ZNF254: variants seen among roughly 807,000 people sequenced by gnomAD.
ZNF254 encodes zinc finger protein 254.
A neutral mutation model predicts 12.4 loss-of-function variants in ZNF254; 10 were observed. The ratio of observed to expected loss-of-function variants is 0.80; its 90% CI spans 0.50 to 1.36. ZNF254 has a LOEUF of 1.36. Among genes scored for constraint, ZNF254 ranks in the 40% most tolerant of loss-of-function variants. The probability of loss-of-function intolerance (pLI) is 0.00; values close to 1 mark genes in which losing one functional copy is unlikely to be tolerated. For synonymous variants in ZNF254, 305 were observed against 253.4 expected (o/e 1.20, Z -1.93); for missense variants, 996 against 763.9 (o/e 1.30, Z -3.58).
chr19:24,088,002 G>A (rs1972135999), intron 1 of ZNF254, among the ~76,000 whole-genome samples: 1 of 140,190 alleles, frequency 7.1e-6, no homozygotes, highest in African/African-American at 2.6e-5. Context: ...TGCAACCTCC[G>A]CCTCTTGGGT....
intron 2 of ZNF254, among the ~76,000 whole-genome samples, chr19:24,077,745 T>A (rs1229831812): frequency 2.6e-5 from 4 of 152,090 alleles, no homozygotes; most frequent in African/African-American, 9.7e-5. Flanking sequence ...CAGTGGCTGA[T>A]GGAGTGGTTT....
chr19:24,094,268 ATTTTT>A lies in ZNF254; in HGVS notation c.30+6932_30+6936del, dbSNP rs542047671. Among the ~76,000 whole-genome samples the A allele has an allele frequency of 4.8e-3, 732 of 151,870 alleles. 4 individuals are homozygous for A. Among genetic ancestry groups the A allele is most frequent in the African/African-American group, 0.016 (679 of 41,444 alleles). On this transcript the variant is annotated intron_variant, in intron 1 of 3. Coordinates refer to ENST00000357002, the MANE Select transcript of ZNF254 (RefSeq NM_203282.4). ...GTTTAAATGCCTTTTATTTATTTTT[ATTTTT>A]ATTTTTTTGAGATGGAGTCTTGCTC...
At chr19:24,092,508 T>C (rs1017425679) in intron 1 of ZNF254, among the ~76,000 whole-genome samples, 1 of 152,048 alleles carries the variant, frequency 6.6e-6, no homozygotes, top group Non-Finnish European at 1.5e-5. Context: ...TCCACGTACC[T>C]GGGACTACAG....
chr19:24,041,544 T>C (rs113823784), intron 1 of ZNF254, among the ~76,000 whole-genome samples: 24,445 of 152,290 alleles, frequency 0.16, 2,158 homozygotes, highest in Middle Eastern at 0.23. Flanking sequence ...CCTTAGCTGC[T>C]TTCCTGCGGG....
chr19:24,126,541 T>A lies in ZNF254; in HGVS notation c.541T>A (p.Ser181Thr), dbSNP rs754766755. 6.2e-7 allele frequency: 1 copy of A among 1,601,746 alleles called. No individual in the cohort carries two copies. The highest frequency in any genetic ancestry group is 1.1e-5 in the South Asian group (1 of 88,120). Residue 181 changes from serine (S) to threonine (T), a missense_variant, in exon 4 of 4, where the codon TCT (serine) becomes ACT (threonine). Coordinates refer to ENST00000357002, the MANE Select transcript of ZNF254 (RefSeq NM_203282.4). Reference protein sequence around the residue: ...RPKIRHTEKKSFKCKKRVKLF... With the variant: ...RPKIRHTEKKTFKCKKRVKLF... ...TAAGATAAGACATACTGAAAAGAAATCTTTCAAATGTAAAAAACGTGTCAA... is the reference window on the plus strand; with the variant it reads ...TAAGATAAGACATACTGAAAAGAAAACTTTCAAATGTAAAAAACGTGTCAA...
chr19:24,089,560 C>T (rs1410992828), intron 1 of ZNF254, among the ~76,000 whole-genome samples: 2 of 151,950 alleles, frequency 1.3e-5, no homozygotes, highest in Admixed American at 1.3e-4. Context: ...ACGAAGATAC[C>T]CACCATGGCT....
chr19:24,117,021 C>A (rs1020163253), intron 3 of ZNF254, among the ~76,000 whole-genome samples: 2 of 152,130 alleles, frequency 1.3e-5, no homozygotes, highest in African/African-American at 4.8e-5. Flanking sequence ...TTTTCGTGAA[C>A]CGCGAATACT....
chr19:24,100,827 CTTT>C (rs1199496892), intron 1 of ZNF254, among the ~76,000 whole-genome samples: 3 of 129,868 alleles, frequency 2.3e-5, no homozygotes. Flanking sequence ...GTTGTGTCAG[CTTT>C]TTTTTTTTTT....
intron 2 of ZNF254, among the ~76,000 whole-genome samples, chr19:24,056,930 C>T (rs1334786220): frequency 6.6e-6 from 1 of 152,032 alleles, no homozygotes; most frequent in Non-Finnish European, 1.5e-5. Context: ...ATATAAGTCT[C>T]CTGCTCACTC....
At chr19:24,062,114 A>G (rs1271277699) in intron 2 of ZNF254, among the ~76,000 whole-genome samples, 38 of 151,744 alleles carry the variant, frequency 2.5e-4, no homozygotes, top group Non-Finnish European at 5.4e-4. Context: ...AAAAAGAAAA[A>G]GGAGTAAAAT....
chr19:24,082,128 GA>G (rs552910479), intron 2 of ZNF254, among the ~76,000 whole-genome samples: 4,903 of 112,150 alleles, frequency 0.044, 122 homozygotes, highest in South Asian at 0.085. Flanking sequence ...TGCCTCAAAA[GA>G]AAAAAAAAAA....
At position 24,089,086 on chromosome 19, in the gene ZNF254, C is replaced by T. The variant is rs187693983; in HGVS notation, c.30+1749C>T. The stretch of plus-strand genomic sequence containing the variant: ...CCGCCTCCCAGGTTTAAGCGATTCT[C>T]CTGCCTCAGCCTCCCTAGTAACTGG... On this transcript the variant is annotated intron_variant, in intron 1 of 3. Transcript: ENST00000357002. Among the ~76,000 whole-genome samples, 199 of 149,946 alleles carry T rather than the reference C, an allele frequency of 1.3e-3. 1 individual carries two copies. Among genetic ancestry groups the T allele is most frequent in the African/African-American group, 4.8e-3 (192 of 40,412 alleles).
chr19:24,072,601 T>G (rs887592421), intron 2 of ZNF254, among the ~76,000 whole-genome samples: 1 of 152,194 alleles, frequency 6.6e-6, no homozygotes, highest in Non-Finnish European at 1.5e-5. Context: ...CTGCATCCAC[T>G]GCTTTGGAGG....
chr19:24,065,608 A>G (rs1307512418), intron 2 of ZNF254: 1 of 152,190 alleles, frequency 6.6e-6, no homozygotes, highest in Non-Finnish European at 1.5e-5. Flanking sequence ...TATGTTCAGC[A>G]CCCGAGTGAT....
chr19:24,096,959 T>A (rs1972707169), intron 1 of ZNF254, among the ~76,000 whole-genome samples: 1 of 152,204 alleles, frequency 6.6e-6, no homozygotes, highest in African/African-American at 2.4e-5. Context: ...ACCTGTCTGT[T>A]GTAAAACAAA....
intron 2 of ZNF254, among the ~76,000 whole-genome samples, chr19:24,063,010 A>G (rs1396426102): frequency 1.4e-5 from 2 of 147,858 alleles, no homozygotes; most frequent in East Asian, 3.9e-4. Flanking sequence ...CATGTTGGTC[A>G]GGCTGGTCTT....
chr19:24,084,117 G>A (rs561078396), upstream of ZNF254, among the ~76,000 whole-genome samples: 139 of 147,714 alleles, frequency 9.4e-4, 1 homozygote, highest in African/African-American at 3.3e-3. Flanking sequence ...GAGTGGAAAA[G>A]GAAAATGTGG....
intron 2 of ZNF254, among the ~76,000 whole-genome samples, chr19:24,057,894 A>G (rs1970920766): frequency 6.6e-6 from 1 of 152,202 alleles, no homozygotes; most frequent in Non-Finnish European, 1.5e-5. Context: ...TGGGGTATAT[A>G]CAGGATTGTT....
At chr19:24,042,427 C>T (rs988339041) in intron 1 of ZNF254, among the ~76,000 whole-genome samples, 1 of 152,212 alleles carries the variant, frequency 6.6e-6, no homozygotes, top group Non-Finnish European at 1.5e-5. Context: ...AAACTTTGTT[C>T]TTTAACTCTT....
Sources: gnomAD v4.1 joint callset for allele counts (sites outside exome capture counted in the v4.1 genomes callset) on GRCh38, gnomAD v4.1.1 for gene constraint, MANE v1.5 for transcripts, NCBI Gene and HGNC (gene_info 2026-07-23, HGNC 2026-07-21) for gene names.